SPATA33: variants seen among roughly 807,000 people sequenced by gnomAD.
SPATA33 encodes spermatogenesis associated 33.
SPATA33 carries 10 observed loss-of-function variants against 8.9 expected under a neutral mutation model. The ratio of observed to expected loss-of-function variants is 1.12; its 90% confidence interval spans 0.69 to 1.90. SPATA33 has a LOEUF of 1.90. SPATA33 is among the 40% of genes most tolerant of loss of function. The pLI is 0.00. For missense variants in SPATA33, 241 were observed against 178.3 expected (o/e 1.35, Z -2.00); for synonymous variants, 96 against 72.8 (o/e 1.32, Z -1.63).
At chr16:89,658,985 G>C (rs1174980787) in intron 2 of SPATA33, 2 of 153,998 alleles carry the variant, frequency 1.3e-5, no homozygotes, top group African/African-American at 4.8e-5. Flanking sequence ...ACCACGTGGA[G>C]CTGGAAGCGT....
intron 2 of SPATA33, chr16:89,660,802 A>G (rs1262945994): frequency 9.4e-7 from 1 of 1,068,544 alleles, no homozygotes; most frequent in Non-Finnish European, 1.2e-6. Flanking sequence ...GAATCTGAAC[A>G]TGGGAAGCAC....
rs2060068567 is a variant in SPATA33, at chr16:89,669,399, C to T, written c.325C>T (p.Gln109Ter). 1.9e-6 allele frequency: 3 copies of T among 1,614,188 alleles called. No homozygotes were observed. The highest frequency in any genetic ancestry group is 2.5e-6 in the Non-Finnish European group (3 of 1,180,034). Residue 109 changes from glutamine to a stop codon, truncating the protein, a stop_gained, in exon 3 of 3, where the codon CAG (glutamine) becomes TAG (stop). Coordinates refer to ENST00000579310, the MANE Select transcript of SPATA33 (RefSeq NM_001271907.2). LOFTEE classifies it low-confidence loss of function (END_TRUNC). Reference sequence around the variant, plus strand: ...CAGTTGCAGTTCCAGCGGGAGTGACCAGCAGAGAACCATTCGGGAGCCGGA... The same window carrying T: ...CAGTTGCAGTTCCAGCGGGAGTGACTAGCAGAGAACCATTCGGGAGCCGGA... ...LVSCSSSGSD[Q>*]QRTIREPEDW...
At chr16:89,659,627 T>C (rs154663) in intron 2 of SPATA33, 129,856 of 152,046 alleles carry the variant, frequency 0.85, 55,752 homozygotes, top group Non-Finnish European at 0.91. Context: ...GCAGAAGTAG[T>C]GGTGAGCGAG....
At position 89,662,542 on chromosome 16, in the gene SPATA33, G is replaced by C. The variant is rs1010288965; in HGVS notation, c.211+4121G>C. Among the ~76,000 whole-genome samples, 5 of 151,744 alleles carry C rather than the reference G, an allele frequency of 3.3e-5. No homozygotes were observed. The Middle Eastern group carries it at 0.014, about 419-fold the overall frequency. On this transcript the variant is annotated intron_variant, in intron 2 of 2. Coordinates refer to ENST00000579310, the MANE Select transcript of SPATA33 (RefSeq NM_001271907.2). ...AAGTTCAAGTGATTCTCCTGCCTCA[G>C]CCTCCCAAGTAGCTGGGATTACAGG... is the stretch of plus-strand genomic sequence containing the variant.
chr16:89,660,602 C>G (rs767222636), intron 2 of SPATA33: 5 of 1,191,692 alleles, frequency 4.2e-6, no homozygotes, highest in Non-Finnish European at 5.3e-6. Context: ...TGAAGGAGTC[C>G]CAAAGGTGGG....
chr16:89,660,411 G>T, intron 2 of SPATA33: 1 of 1,204,642 alleles, frequency 8.3e-7, no homozygotes, highest in Non-Finnish European at 1.0e-6. Context: ...CCGCCTGTTG[G>T]AAGGGCCCCA....
chr16:89,658,036 G>C, intron 1 of SPATA33, 88 bp downstream of exon 1: 1 of 1,460,832 alleles, frequency 6.8e-7, no homozygotes, highest in Non-Finnish European at 8.9e-7. Flanking sequence ...GGCGGTGTGA[G>C]CGCAGGCGCC....
chr16:89,661,321 G>A (rs563017323), intron 2 of SPATA33: 8 of 571,674 alleles, frequency 1.4e-5, no homozygotes, highest in African/African-American at 2.0e-5. Flanking sequence ...TGCTGTTTTC[G>A]TGATAGTGAA....
rs2060072934 is a variant in SPATA33, at chr16:89,669,580, C to G, written c.*83C>G. The G allele has an allele frequency of 4.2e-6, 6 of 1,422,568 alleles. No individual in the cohort carries two copies. The highest frequency in any genetic ancestry group is 4.8e-6 in the Non-Finnish European group (5 of 1,036,148). The allele number at this position is 1,422,568 out of a possible 1,614,324, so 88.1% of individuals were successfully genotyped here. ...GCCTCACCCTGTGAGAAGCCGAGGC[C>G]CCTTCTCCAGTGCTCTCGGGGAGGT... On this transcript the variant is annotated 3_prime_UTR_variant, in exon 3 of 3. Coordinates refer to ENST00000579310, the MANE Select transcript of SPATA33 (RefSeq NM_001271907.2).
intron 2 of SPATA33, among the ~76,000 whole-genome samples, chr16:89,668,785 G>A (rs534829296): frequency 1.8e-4 from 27 of 152,388 alleles, no homozygotes; most frequent in African/African-American, 6.0e-4. Context: ...ACGCTCGGCA[G>A]GCTCAGCAGT....
Position 89,657,902 on chromosome 16 carries a change from G to A in SPATA33, c.-10G>A. The A allele has an allele frequency of 1.3e-6, 2 of 1,517,646 alleles. No individual in the cohort carries two copies. Among genetic ancestry groups the A allele is most frequent in the Non-Finnish European group, 1.8e-6 (2 of 1,139,850 alleles). The allele number at this position is 1,517,646 out of a possible 1,614,324, so 94.0% of individuals were successfully genotyped here. ...CCGGGCTTGCGTCGGAGGGGGCGGT[G>A]GGCTCACCCATGGGCCTTTCCAAAA... On this transcript the variant is annotated 5_prime_UTR_variant, in exon 1 of 3. Coordinates refer to ENST00000579310, the MANE Select transcript of SPATA33 (RefSeq NM_001271907.2).
rs1255605787 is a variant in SPATA33, at chr16:89,669,496, A to G, written c.422A>G (p.Ter141=). The G allele has an allele frequency of 1.2e-6, 2 of 1,612,368 alleles. No homozygotes were observed. Among genetic ancestry groups the G allele is most frequent in the Non-Finnish European group, 1.7e-6 (2 of 1,179,960 alleles). ...ADAYNSHLKE[*] ...GCCTATAATTCACATCTCAAAGAAT[A>G]AACAAGCACCTTTGCATGGCACTCG... is the stretch of plus-strand genomic sequence containing the variant. The change falls in exon 3 of 3, where the codon TAA becomes TGA. Residue 141 remains the stop codon, a stop_retained_variant. Coordinates refer to ENST00000579310, the MANE Select transcript of SPATA33 (RefSeq NM_001271907.2).
chr16:89,670,155 C>T lies in SPATA33; in HGVS notation c.*658C>T, dbSNP rs1415452335. 1 of 144,126 alleles carries T rather than the reference C, an allele frequency of 6.9e-6. No individual in the cohort carries two copies. The highest frequency in any genetic ancestry group is 1.5e-5 in the Non-Finnish European group (1 of 67,356). The allele number at this position is 144,126 out of a possible 1,614,324, so 8.9% of individuals were successfully genotyped here. ...AGCCGTGGCCCCCTTCTCCCGTGCTCTCAGGGAGGGTGCACCAGGCCTGCC... is the reference window on the plus strand; with the variant it reads ...AGCCGTGGCCCCCTTCTCCCGTGCTTTCAGGGAGGGTGCACCAGGCCTGCC... On this transcript the variant is annotated 3_prime_UTR_variant, in exon 3 of 3. Coordinates refer to ENST00000579310, the MANE Select transcript of SPATA33 (RefSeq NM_001271907.2).
Position 89,669,572 on chromosome 16 carries a change from G to A in SPATA33, c.*75G>A. The A allele has an allele frequency of 6.8e-7, 1 of 1,478,604 alleles. No individual in the cohort carries two copies. The allele number at this position is 1,478,604 out of a possible 1,614,324, so 91.6% of individuals were successfully genotyped here. ...GAACAGCCGCCTCACCCTGTGAGAA[G>A]CCGAGGCCCCTTCTCCAGTGCTCTC... On this transcript the variant is annotated 3_prime_UTR_variant, in exon 3 of 3. Transcript: ENST00000579310.
intron 2 of SPATA33, chr16:89,660,848 GC>G: frequency 1.7e-6 from 2 of 1,149,134 alleles, no homozygotes; most frequent in East Asian, 4.2e-5. Context: ...AGCCCTTCCA[GC>G]CCAGGAGCCA....
rs189631886 is a variant in SPATA33, at chr16:89,665,718, G to C, written c.212-3568G>C. ...AAATACGTTAACTTCTGTAAAATCA[G>C]TCAACACCAAGTCAAAACACAAAAG... On this transcript the variant is annotated intron_variant, in intron 2 of 2. Coordinates refer to ENST00000579310, the MANE Select transcript of SPATA33 (RefSeq NM_001271907.2). Among the ~76,000 whole-genome samples the C allele has an allele frequency of 3.6e-4, 55 of 152,288 alleles. No homozygotes were observed. In the East Asian group the frequency reaches 9.7e-3, roughly 27 times the overall value.
chr16:89,665,739 A>G (rs548810943), intron 2 of SPATA33, among the ~76,000 whole-genome samples: 6 of 152,216 alleles, frequency 3.9e-5, no homozygotes, highest in Non-Finnish European at 8.8e-5. Context: ...GTCAAAACAC[A>G]AAAGATCTTT....
intron 2 of SPATA33, chr16:89,659,703 A>T (rs991540809): frequency 6.6e-6 from 1 of 152,134 alleles, no homozygotes; most frequent in Non-Finnish European, 1.5e-5. Flanking sequence ...AAAAAAAATA[A>T]TAAGGAGAGA....
intron 2 of SPATA33, among the ~76,000 whole-genome samples, chr16:89,663,487 C>T (rs998632811): frequency 2.0e-5 from 3 of 152,102 alleles, no homozygotes; most frequent in Admixed American, 6.6e-5. Context: ...TCAGGTGATC[C>T]GCTTGCCTCG....
Sources: allele counts gnomAD v4.1 joint callset (sites outside exome capture counted in the v4.1 genomes callset), GRCh38; gene constraint gnomAD v4.1.1; transcripts MANE v1.5; gene names NCBI Gene and HGNC (gene_info 2026-07-23, HGNC 2026-07-21).